SLC8A1: variants seen among roughly 807,000 people sequenced by gnomAD.
SLC8A1 encodes the protein sodium/calcium exchanger 1.
Under a neutral mutation model 68.3 loss-of-function variants are expected in SLC8A1, and 18 were observed. That is an observed-to-expected ratio of 0.26 (90% confidence interval 0.18 to 0.39). SLC8A1 has a LOEUF of 0.39. Among genes scored for constraint, SLC8A1 ranks in the 10% least tolerant of loss-of-function variants. SLC8A1 has a pLI of 1.00. For synonymous variants in SLC8A1, 475 were observed against 415.5 expected, an observed-to-expected ratio of 1.14 and a Z score of -1.74; for missense variants, 985 against 1,156.7, an observed-to-expected ratio of 0.85 and a Z score of 2.15.
chr2:40,303,550 C>G (rs1439770552), intron 2 of SLC8A1, among the ~76,000 whole-genome samples: 1 of 152,168 alleles, frequency 6.6e-6, no homozygotes, highest in Non-Finnish European at 1.5e-5. Context: ...TGGGGAACCT[C>G]TAGGTATCTG....
rs915921678 is a variant in SLC8A1, at chr2:40,419,315, A to G, written c.1808+9158T>C. 2.0e-5 allele frequency among the ~76,000 whole-genome samples: 3 copies of G among 152,322 alleles called. No individual in the cohort carries two copies. In the South Asian group the frequency reaches 6.2e-4, roughly 32 times the overall value. ...TGCTGTCTATTTTTAATAAAGAAGC[A>G]GCTTGAGTGAATCCCATTTCTATTT... On this transcript the variant is annotated intron_variant, in intron 2 of 7. Coordinates refer to ENST00000406785, the Ensembl canonical transcript of SLC8A1.
At chr2:40,450,736 G>GGA (rs755767634) in intron 1 of SLC8A1, among the ~76,000 whole-genome samples, 3 of 152,072 alleles carry the variant, frequency 2.0e-5, no homozygotes, top group South Asian at 2.1e-4. Flanking sequence ...CTGACTAGCA[G>GGA]GAGAGAGAGA....
intron 2 of SLC8A1, among the ~76,000 whole-genome samples, chr2:40,344,571 G>C (rs1320026707): frequency 6.6e-6 from 1 of 152,082 alleles, no homozygotes; most frequent in Non-Finnish European, 1.5e-5. Flanking sequence ...CTATTAGAGA[G>C]AAAAATGTCT....
chr2:40,162,643 T>C (rs1032036619), intron 5 of SLC8A1, among the ~76,000 whole-genome samples: 2 of 152,210 alleles, frequency 1.3e-5, no homozygotes, highest in African/African-American at 4.8e-5. Context: ...TTCATATGTA[T>C]CCTTCCTTGA....
At chr2:40,505,239 A>T (rs564378520) in intron 1 of SLC8A1, among the ~76,000 whole-genome samples, 33 of 151,868 alleles carry the variant, frequency 2.2e-4, no homozygotes, top group Non-Finnish European at 4.7e-4. Flanking sequence ...ATGGGTACAA[A>T]AATAGTTAGA....
At chr2:40,311,810 T>C (rs1014888377) in intron 2 of SLC8A1, among the ~76,000 whole-genome samples, 2 of 152,132 alleles carry the variant, frequency 1.3e-5, no homozygotes, top group African/African-American at 2.4e-5. Context: ...GCAAGACTGG[T>C]TCATTATCAG....
At chr2:40,402,311 A>G (rs1448143207) in intron 2 of SLC8A1, among the ~76,000 whole-genome samples, 1 of 152,194 alleles carries the variant, frequency 6.6e-6, no homozygotes, top group Non-Finnish European at 1.5e-5. Context: ...AACAGGGAGA[A>G]CCCTCAGTTC....
chr2:40,302,322 T>A, intron 2 of SLC8A1, among the ~76,000 whole-genome samples: 1 of 152,012 alleles, frequency 6.6e-6, no homozygotes, highest in South Asian at 2.1e-4. Context: ...TGAGAACATA[T>A]GATCTTTGGT....
intron 2 of SLC8A1, among the ~76,000 whole-genome samples, chr2:40,224,682 A>G (rs2058752510): frequency 6.6e-6 from 1 of 152,184 alleles, no homozygotes; most frequent in African/African-American, 2.4e-5. Flanking sequence ...TTAAAGCTGC[A>G]CAAGTGATTC....
chr2:40,418,982 G>A (rs1694711634), intron 2 of SLC8A1, among the ~76,000 whole-genome samples: 1 of 152,204 alleles, frequency 6.6e-6, no homozygotes, highest in Non-Finnish European at 1.5e-5. Flanking sequence ...AGGTGGCACT[G>A]AGAGAAGGAG....
In SLC8A1 at chr2:40,184,630, G is replaced by A. The variant is rs1413210744; in HGVS notation, c.1809-6775C>T. On this transcript the variant is annotated intron_variant, in intron 2 of 7. Coordinates refer to ENST00000406785, the Ensembl canonical transcript of SLC8A1. ...GAAAGTAGACAAACTAAGCATTTCA[G>A]TTGCCGCAGAAGACAGTAATGCCTC... Among the ~76,000 whole-genome samples the A allele has an allele frequency of 2.6e-5, 4 of 152,086 alleles. No individual in the cohort carries two copies. In the East Asian group the frequency reaches 7.7e-4, roughly 29 times the overall value.
intron 2 of SLC8A1, among the ~76,000 whole-genome samples, chr2:40,246,785 G>C (rs937795088): frequency 1.3e-5 from 2 of 152,034 alleles, no homozygotes; most frequent in African/African-American, 4.8e-5. Flanking sequence ...TTAAATTCTG[G>C]CTACTTTTTC....
At chr2:40,511,647 G>A (rs557691944) in intron 1 of SLC8A1, among the ~76,000 whole-genome samples, 1 of 151,910 alleles carries the variant, frequency 6.6e-6, no homozygotes, top group South Asian at 2.1e-4. Flanking sequence ...AATAATCTTT[G>A]GAAACATTTC....
At chr2:40,111,131 G>T (rs1333875002) in exon 8 of SLC8A1, 1 of 152,100 alleles carries the variant, frequency 6.6e-6, no homozygotes, top group African/African-American at 2.4e-5. Flanking sequence ...CAAAAAATTA[G>T]TGCTATTAGG....
At chr2:40,228,249 C>G (rs1320787089) in intron 2 of SLC8A1, among the ~76,000 whole-genome samples, 2 of 152,126 alleles carry the variant, frequency 1.3e-5, no homozygotes, top group African/African-American at 2.4e-5. Flanking sequence ...TCCCTGCCTG[C>G]AGCAGACATT....
At chr2:40,421,594 A>G (rs899727920) in intron 2 of SLC8A1, among the ~76,000 whole-genome samples, 2 of 152,192 alleles carry the variant, frequency 1.3e-5, no homozygotes, top group Non-Finnish European at 2.9e-5. Flanking sequence ...TTGCCCTGTT[A>G]TCATGAGCAC....
chr2:40,413,599 T>C (rs1489347263), intron 2 of SLC8A1, among the ~76,000 whole-genome samples: 3 of 152,160 alleles, frequency 2.0e-5, no homozygotes, highest in African/African-American at 7.2e-5. Context: ...TTGTTTTCCC[T>C]CCAAATTATA....
At chr2:40,445,446 G>T (rs944379977) in intron 1 of SLC8A1, among the ~76,000 whole-genome samples, 11 of 151,910 alleles carry the variant, frequency 7.2e-5, no homozygotes, top group African/African-American at 2.2e-4. Flanking sequence ...TCTACACAGG[G>T]AAAGAAAAAG....
chr2:40,270,085 A>T (rs944390638), intron 2 of SLC8A1, among the ~76,000 whole-genome samples: 1 of 152,218 alleles, frequency 6.6e-6, no homozygotes, highest in African/African-American at 2.4e-5. Context: ...GCTAGCTCTC[A>T]TGTAAGCTAT....
Sources: allele counts gnomAD v4.1 joint callset (sites outside exome capture counted in the v4.1 genomes callset), GRCh38; gene constraint gnomAD v4.1.1; transcripts MANE v1.5; gene names NCBI Gene and HGNC (gene_info 2026-07-23, HGNC 2026-07-21).